Variants in ANK3 observed in about 807,000 individuals in gnomAD.
ANK3 encodes ankyrin 3.
In ANK3, 57 loss-of-function variants were observed where a neutral mutation model predicts 370.9. The ratio of observed to expected loss-of-function variants is 0.15; its 90% CI spans 0.12 to 0.19. The LOEUF is 0.19. ANK3 is among the 10% of genes least tolerant of loss of function. The pLI, the probability that ANK3 is intolerant of heterozygous loss-of-function variation, is 1.00. For missense variants in ANK3, 4,439 were observed against 5,302.1 expected (o/e 0.84, Z 5.06); for synonymous variants, 1,929 against 1,946.3 (o/e 0.99, Z 0.23).
At position 60,088,241 on chromosome 10, in the gene ANK3, G is replaced by T. The variant is rs770886250; in HGVS notation, c.3446C>A (p.Pro1149His). The T allele has an allele frequency of 6.2e-7, 1 of 1,614,154 alleles. No homozygotes were observed. The highest frequency in any genetic ancestry group is 8.5e-7 in the Non-Finnish European group (1 of 1,180,012). ...GGTGCTGCTCAGAATTCCACCTTCA[G>T]GACCAATCTGGTTGCTTTCCTGCTT... ...RIKQESNQIG[P>H]EGGILSSTTV... Residue 1149 changes from proline to histidine, a missense_variant, in exon 29 of 44, where the codon CCT (proline) becomes CAT (histidine). By Grantham distance (77) the Pro-to-His change is moderately conservative. Around this residue, in one of 13 missense-constraint regions of ANK3, gnomAD observed 702 missense variants for 941.5 expected, o/e 0.75. Transcript: ENST00000280772.
At chr10:60,042,793 G>C in intron 42 of ANK3, 34 bp from the exon 43 acceptor site, 1 of 1,579,410 alleles carries the variant, frequency 6.3e-7, no homozygotes. Context: ...AGATTTCACA[G>C]TGAAACAGTG....
intron 2 of ANK3, among the ~76,000 whole-genome samples, chr10:60,519,091 C>T (rs1026086960): frequency 6.6e-6 from 1 of 152,114 alleles, no homozygotes; most frequent in Non-Finnish European, 1.5e-5. Context: ...TCCCTCCTTG[C>T]TGTAGGCTAA....
intron 2 of ANK3, among the ~76,000 whole-genome samples, chr10:60,521,050 T>C (rs2076335191): frequency 1.3e-5 from 2 of 152,018 alleles, no homozygotes; most frequent in African/African-American, 4.8e-5. Context: ...AAAATAAAAG[T>C]AGTTAGAGTT....
rs1327460462 is a variant in ANK3, at chr10:60,226,677, G to A, written c.897+8011C>T. Among the ~76,000 whole-genome samples, 106 of 134,768 alleles carry A rather than the reference G, an allele frequency of 7.9e-4. 1 individual carries two copies. The highest frequency in any genetic ancestry group is 1.6e-3 in the South Asian group (7 of 4,386). The allele number at this position is 134,768 out of a possible 152,430, so 88.4% of individuals were successfully genotyped here. A position where few individuals can be genotyped will look rare whatever the true frequency, so the allele number is the denominator to read the frequency against. On this transcript the variant is annotated intron_variant, in intron 8 of 43. Coordinates refer to ENST00000280772, the MANE Select transcript of ANK3 (RefSeq NM_020987.5). ...TCATAATAAATTATAGTATAATATA[G>A]TATAACATAATATACTATATTATAT...
chr10:60,211,719 A>C (rs1014722385), intron 9 of ANK3, among the ~76,000 whole-genome samples: 6 of 152,186 alleles, frequency 3.9e-5, no homozygotes, highest in African/African-American at 1.4e-4. Context: ...TGTCTCTCAA[A>C]AAACTATACC....
At chr10:60,308,730 C>T (rs1045285619) in intron 1 of ANK3, among the ~76,000 whole-genome samples, 1 of 152,036 alleles carries the variant, frequency 6.6e-6, no homozygotes, top group Non-Finnish European at 1.5e-5. Flanking sequence ...CAAAACCCAG[C>T]GATACACTGT....
chr10:60,245,037 CG>C (rs1281503947), intron 7 of ANK3, among the ~76,000 whole-genome samples: 4 of 152,110 alleles, frequency 2.6e-5, no homozygotes, highest in African/African-American at 9.7e-5. Flanking sequence ...GGCGTGGTAG[CG>C]GGCACCTGTA....
chr10:60,281,799 G>A (rs542659062), intron 1 of ANK3, among the ~76,000 whole-genome samples: 4 of 152,232 alleles, frequency 2.6e-5, no homozygotes, highest in South Asian at 2.1e-4. Flanking sequence ...CTAAGTCACC[G>A]AGTCAGGTGT....
Position 60,200,152 on chromosome 10 carries a change from C to T in ANK3, c.1468G>A (p.Ala490Thr), listed in dbSNP as rs2096650383. Residue 490 changes from alanine (A) to threonine (T), a missense_variant, in exon 13 of 44, where the codon GCT (alanine) becomes ACT (threonine). Ala to Thr is a moderately conservative substitution (Grantham distance 58). Transcript: ENST00000280772. ...EVVRYLVQDG[A>T]QVEAKAKDDQ... Reference sequence around the variant, plus strand: ...ACCTTAGCTTTAGCTTCTACCTGAGCTCCGTCTTGTACCAGATACCGCACA... The same window carrying T: ...ACCTTAGCTTTAGCTTCTACCTGAGTTCCGTCTTGTACCAGATACCGCACA... 6.2e-7 allele frequency: 1 copy of T among 1,614,138 alleles called. No homozygotes were observed. Among genetic ancestry groups the T allele is most frequent in the African/African-American group, 1.3e-5 (1 of 75,036 alleles).
At chr10:60,151,051 G>C (rs2095089026) in intron 23 of ANK3, among the ~76,000 whole-genome samples, 1 of 151,932 alleles carries the variant, frequency 6.6e-6, no homozygotes, top group Non-Finnish European at 1.5e-5. Flanking sequence ...TTTAAATTAG[G>C]GTATTAAATT....
chr10:60,413,377 A>G (rs1251805336), intron 2 of ANK3, among the ~76,000 whole-genome samples: 7 of 152,242 alleles, frequency 4.6e-5, no homozygotes, highest in African/African-American at 1.7e-4. Context: ...TGCCTCAGCT[A>G]AAGCTCTACA....
chr10:60,110,619 T>C (rs372867840), intron 26 of ANK3, among the ~76,000 whole-genome samples: 4 of 152,166 alleles, frequency 2.6e-5, no homozygotes, highest in African/African-American at 7.2e-5. Flanking sequence ...CTAAAAGACA[T>C]GAGGCTCACC....
intron 2 of ANK3, among the ~76,000 whole-genome samples, chr10:60,418,489 G>A (rs1233940164): frequency 6.6e-6 from 1 of 151,916 alleles, no homozygotes. Context: ...TATTTCTTGA[G>A]GAAAAGTGGG....
At chr10:60,077,196 C>CA (rs1315838733) in intron 36 of ANK3, among the ~76,000 whole-genome samples, 29 of 150,894 alleles carry the variant, frequency 1.9e-4, no homozygotes, top group Admixed American at 5.9e-4. Context: ...GAATTTTAAA[C>CA]AAAAAAAACA....
At chr10:60,474,899 A>C (rs1308901505) in intron 2 of ANK3, among the ~76,000 whole-genome samples, 1 of 152,146 alleles carries the variant, frequency 6.6e-6, no homozygotes, top group Admixed American at 6.6e-5. Flanking sequence ...TATCTTCTTC[A>C]TTATGCTTTT....
At chr10:60,158,373 T>C (rs896165896) in intron 23 of ANK3, among the ~76,000 whole-genome samples, 1 of 152,170 alleles carries the variant, frequency 6.6e-6, no homozygotes, top group Non-Finnish European at 1.5e-5. Flanking sequence ...CATACCTTTG[T>C]AGGAAGACAA....
At position 60,265,992 on chromosome 10, in the gene ANK3, C is replaced by T. The variant is rs145104254; in HGVS notation, c.514-1972G>A. Among the ~76,000 whole-genome samples, 112 of 152,218 alleles carry T rather than the reference C, an allele frequency of 7.4e-4. No homozygotes were observed. The Middle Eastern group carries it at 0.017, about 23-fold the overall frequency. ...CTTCTTTTCTCTATGTATACAAATC[C>T]CCTCTACCCTCCATGCTTCAAGATC... On this transcript the variant is annotated intron_variant, in intron 5 of 43. Coordinates refer to ENST00000280772, the MANE Select transcript of ANK3 (RefSeq NM_020987.5).
intron 1 of ANK3, among the ~76,000 whole-genome samples, chr10:60,314,512 G>A (rs1427741348): frequency 6.6e-6 from 1 of 152,062 alleles, no homozygotes; most frequent in African/African-American, 2.4e-5. Flanking sequence ...TGCAAATGAG[G>A]GCACACTTCT....
chr10:60,510,675 C>G (rs1199483106), intron 2 of ANK3, among the ~76,000 whole-genome samples: 1 of 151,952 alleles, frequency 6.6e-6, no homozygotes, highest in Admixed American at 6.6e-5. Context: ...AAAAATTCAG[C>G]CAGCCATGGT....
Sources: gnomAD v4.1 joint callset for allele counts (sites outside exome capture counted in the v4.1 genomes callset) on GRCh38, gnomAD v4.1.1 for gene constraint, gnomAD v4.1.1 regional missense constraint, MANE v1.5 for transcripts, NCBI Gene and HGNC (gene_info 2026-07-23, HGNC 2026-07-21) for gene names.